The following PDE4D variants were observed in gnomAD, a reference collection of about 807,000 sequenced individuals.
PDE4D encodes the protein phosphodiesterase 4D.
Under a neutral mutation model 87.4 loss-of-function variants are expected in PDE4D, and 24 were observed. That is an observed-to-expected ratio of 0.27 (90% CI 0.20 to 0.39). The LOEUF is 0.39. PDE4D is among the 10% of genes least tolerant of loss of function. The pLI, the probability that PDE4D is intolerant of heterozygous loss-of-function variation, is 1.00. For missense variants in PDE4D, 714 were observed against 1,041.0 expected, an observed-to-expected ratio of 0.69 and a Z score of 4.32; for synonymous variants, 384 against 383.2, an observed-to-expected ratio of 1.00 and a Z score of -0.02.
At position 59,189,232 on chromosome 5, in the gene PDE4D, G is replaced by GTTTTTTTTTTGTTT. The variant is rs1561662951; in HGVS notation, c.685-3971_685-3970insAAACAAAAAAAAAA. ...AAAGAGATGTAGTTGTTCCTACCCC[G>GTTTTTTTTTTGTTT]TTTTTTTTTTTGTTTTTTTTGTTTT... is the stretch of plus-strand genomic sequence containing the variant. On this transcript the variant is annotated intron_variant, in intron 3 of 14. Coordinates refer to ENST00000340635, the MANE Select transcript of PDE4D (RefSeq NM_001104631.2). Among the ~76,000 whole-genome samples, 21 of 99,920 alleles carry GTTTTTTTTTTGTTT rather than the reference G, an allele frequency of 2.1e-4. 1 individual carries two copies. The highest frequency in any genetic ancestry group is 6.9e-4 in the South Asian group (2 of 2,892). The allele number at this position is 99,920 out of a possible 152,430, so 65.6% of individuals were successfully genotyped here. A position where few individuals can be genotyped will look rare whatever the true frequency, so the allele number is the denominator to read the frequency against.
intron 1 of PDE4D, among the ~76,000 whole-genome samples, chr5:60,386,545 T>C (rs1762204112): frequency 6.6e-6 from 1 of 152,194 alleles, no homozygotes. Flanking sequence ...CTAGGTCACT[T>C]GCTTCCGTTC....
chr5:60,426,190 C>T (rs1743695312), intron 1 of PDE4D, among the ~76,000 whole-genome samples: 1 of 152,090 alleles, frequency 6.6e-6, no homozygotes, highest in Non-Finnish European at 1.5e-5. Flanking sequence ...GGGTATATAC[C>T]CAAAGGATTA....
intron 2 of PDE4D, among the ~76,000 whole-genome samples, chr5:60,172,323 A>C (rs2149484239): frequency 6.6e-6 from 1 of 151,590 alleles, no homozygotes; most frequent in South Asian, 2.1e-4. Context: ...ATTTGAACGT[A>C]TTCAGACTTC....
At chr5:59,029,756 G>A (rs1385239007) in intron 6 of PDE4D, among the ~76,000 whole-genome samples, 4 of 151,602 alleles carry the variant, frequency 2.6e-5, no homozygotes, top group East Asian at 1.9e-4. Context: ...AAAGAACAAA[G>A]CTGCAGGCAT....
intron 2 of PDE4D, among the ~76,000 whole-genome samples, chr5:60,149,016 A>T (rs1781264318): frequency 6.6e-6 from 1 of 152,220 alleles, no homozygotes; most frequent in Non-Finnish European, 1.5e-5. Flanking sequence ...GTGTTTCACC[A>T]TAAGTGTTTG....
At chr5:59,031,914 G>C (rs1757614740) in intron 6 of PDE4D, among the ~76,000 whole-genome samples, 1 of 151,956 alleles carries the variant, frequency 6.6e-6, no homozygotes, top group Non-Finnish European at 1.5e-5. Context: ...AGAGTAGAAA[G>C]GTGGGTTACC....
chr5:59,189,232 GTTTTT>G (rs34203891), intron 3 of PDE4D, among the ~76,000 whole-genome samples: 205 of 99,930 alleles, frequency 2.1e-3, no homozygotes, highest in African/African-American at 6.8e-3. Context: ...TTCCTACCCC[GTTTTT>G]TTTTTTGTTT....
At chr5:60,255,191 A>G (rs62370659) in intron 1 of PDE4D, among the ~76,000 whole-genome samples, 63,027 of 151,704 alleles carry the variant, frequency 0.42, 13,949 homozygotes, top group African/African-American at 0.53. Flanking sequence ...GATGATAAGC[A>G]AAAGAAAACG....
At chr5:59,129,383 G>A (rs1242096559) in intron 5 of PDE4D, among the ~76,000 whole-genome samples, 1 of 152,120 alleles carries the variant, frequency 6.6e-6, no homozygotes, top group East Asian at 1.9e-4. Context: ...GATTACAGAT[G>A]TAAGCCACTG....
At chr5:59,243,000 A>G (rs1165009150) in intron 1 of PDE4D, among the ~76,000 whole-genome samples, 1 of 152,176 alleles carries the variant, frequency 6.6e-6, no homozygotes, top group East Asian at 1.9e-4. Flanking sequence ...AGGACTCTAC[A>G]TTTAAGAGAC....
intron 2 of PDE4D, among the ~76,000 whole-genome samples, chr5:60,124,210 G>A (rs561282734): frequency 6.6e-6 from 1 of 152,046 alleles, no homozygotes; most frequent in South Asian, 2.1e-4. Flanking sequence ...TTGCCAAGTT[G>A]GTATCTGTTT....
At chr5:58,994,388 T>C (rs549321714) in intron 6 of PDE4D, among the ~76,000 whole-genome samples, 35 of 152,264 alleles carry the variant, frequency 2.3e-4, no homozygotes, top group Admixed American at 1.0e-3. Context: ...TCAGAGTCCT[T>C]TGACTCTGAA....
In PDE4D at chr5:59,248,851, T is replaced by C. The variant is rs1228451503; in HGVS notation, c.456-32883A>G. 5.3e-5 allele frequency among the ~76,000 whole-genome samples: 8 copies of C among 152,274 alleles called. No homozygotes were observed. In the East Asian group the frequency reaches 1.5e-3, roughly 29 times the overall value. ...AAAAAATAAACTTGTATCCCTACCT[T>C]ATATTAAGATAAATTCCAAACAGAT... On this transcript the variant is annotated intron_variant, in intron 1 of 14. Coordinates refer to ENST00000340635, the MANE Select transcript of PDE4D (RefSeq NM_001104631.2).
At chr5:60,039,710 A>AAGT (rs1261214690) in intron 2 of PDE4D, among the ~76,000 whole-genome samples, 1 of 152,164 alleles carries the variant, frequency 6.6e-6, no homozygotes, top group African/African-American at 2.4e-5. Flanking sequence ...AATCTACACC[A>AAGT]AGTAGTATTC....
chr5:59,303,328 A>G (rs1770641150), intron 1 of PDE4D, among the ~76,000 whole-genome samples: 1 of 151,356 alleles, frequency 6.6e-6, no homozygotes, highest in Admixed American at 6.6e-5. Context: ...TTTTTCTCCC[A>G]CTCTGTGGGT....
intron 1 of PDE4D, among the ~76,000 whole-genome samples, chr5:60,504,080 G>A (rs556422009): frequency 3.3e-5 from 5 of 152,214 alleles, no homozygotes; most frequent in African/African-American, 1.2e-4. Context: ...AGAAAAGAAA[G>A]ATGATAAGTC....
At chr5:59,454,112 T>C (rs1232469244) in intron 1 of PDE4D, among the ~76,000 whole-genome samples, 2 of 152,238 alleles carry the variant, frequency 1.3e-5, no homozygotes, top group Non-Finnish European at 1.5e-5. Flanking sequence ...GTTGACAGCA[T>C]GATTTACTAG....
intron 1 of PDE4D, among the ~76,000 whole-genome samples, chr5:59,239,010 G>T (rs1466054220): frequency 1.3e-5 from 2 of 152,172 alleles, no homozygotes; most frequent in Non-Finnish European, 2.9e-5. Flanking sequence ...AGGTATTCTT[G>T]TTACCAAAAT....
intron 1 of PDE4D, among the ~76,000 whole-genome samples, chr5:59,769,604 T>C (rs10940648): frequency 0.14 from 21,254 of 152,212 alleles, 1,959 homozygotes; most frequent in Middle Eastern, 0.29. Flanking sequence ...AAAGTAAAAA[T>C]GTTGTAACAA....
Sources: allele counts gnomAD v4.1 joint callset (sites outside exome capture counted in the v4.1 genomes callset), GRCh38; gene constraint gnomAD v4.1.1; transcripts MANE v1.5; gene names NCBI Gene and HGNC (gene_info 2026-07-23, HGNC 2026-07-21).